The following SHC4 variants were observed in gnomAD, a reference collection of about 807,000 sequenced individuals.
SHC4 encodes SHC adaptor protein 4, also known as SHC-transforming protein 4.
In SHC4, 41 loss-of-function variants were observed where a neutral mutation model predicts 69.4. That is an observed-to-expected ratio of 0.59 (90% CI 0.46 to 0.77). The LOEUF is 0.77. Ranked by LOEUF, SHC4 falls within the 30% of genes least tolerant of loss-of-function variation. The probability of loss-of-function intolerance (pLI) is 0.00; values close to 1 mark genes in which losing one functional copy is unlikely to be tolerated. For synonymous variants in SHC4, 318 were observed against 299.3 expected, an observed-to-expected ratio of 1.06 and a Z score of -0.64; for missense variants, 777 against 783.8, an observed-to-expected ratio of 0.99 and a Z score of 0.10.
At chr15:48,886,031 A>G (rs1484403500) in intron 3 of SHC4, among the ~76,000 whole-genome samples, 1 of 152,168 alleles carries the variant, frequency 6.6e-6, no homozygotes, top group Non-Finnish European at 1.5e-5. Context: ...GGCCGAGGTG[A>G]GCAGATCATG....
At chr15:48,934,027 G>C (rs117349030) in intron 1 of SHC4, among the ~76,000 whole-genome samples, 1 of 152,012 alleles carries the variant, frequency 6.6e-6, no homozygotes, top group Admixed American at 6.6e-5. Flanking sequence ...AATAGGCAAT[G>C]GTTTCTTAGA....
chr15:48,876,611 T>C, intron 4 of SHC4: 1 of 697,226 alleles, frequency 1.4e-6, no homozygotes, highest in Non-Finnish European at 2.6e-6. Flanking sequence ...CAGTCCGAGT[T>C]CTGAAACTGA....
At chr15:48,857,611 T>C (rs1405743458) in intron 7 of SHC4, 81 bp downstream of exon 7, 9 of 1,254,164 alleles carry the variant, frequency 7.2e-6, no homozygotes, top group Non-Finnish European at 8.3e-6. Context: ...TAATGTTATA[T>C]ATACACACAC....
At chr15:48,882,316 G>C (rs1899961026) in intron 4 of SHC4, among the ~76,000 whole-genome samples, 1 of 152,150 alleles carries the variant, frequency 6.6e-6, no homozygotes, top group African/African-American at 2.4e-5. Context: ...CCTCAGGTCT[G>C]AGATAAATGA....
chr15:48,865,104 T>C (rs1899533549), intron 6 of SHC4, among the ~76,000 whole-genome samples: 1 of 152,210 alleles, frequency 6.6e-6, no homozygotes, highest in African/African-American at 2.4e-5. Flanking sequence ...CATCCCTCTT[T>C]CTCTATGCAC....
In SHC4 at chr15:48,920,570, C is replaced by T. The variant is rs191961403; in HGVS notation, c.656+4309G>A. On this transcript the variant is annotated intron_variant, in intron 2 of 11. Coordinates refer to ENST00000332408, the MANE Select transcript of SHC4 (RefSeq NM_203349.4). ...GATTACAGGCATGAGCCACCGCGCC[C>T]GGCCAGAGATTTTTTTAAGTAGATA... Among the ~76,000 whole-genome samples the T allele has an allele frequency of 4.0e-4, 61 of 151,996 alleles. No individual in the cohort carries two copies. The East Asian group carries it at 5.0e-3, about 13-fold the overall frequency.
At chr15:48,917,962 TA>T (rs1900661173) in intron 2 of SHC4, among the ~76,000 whole-genome samples, 1 of 152,236 alleles carries the variant, frequency 6.6e-6, no homozygotes, top group African/African-American at 2.4e-5. Context: ...GTCTCCCTGA[TA>T]TTTGGAATCT....
chr15:48,961,879 G>A (rs188951594), intron 1 of SHC4, among the ~76,000 whole-genome samples: 4 of 152,274 alleles, frequency 2.6e-5, no homozygotes, highest in East Asian at 1.9e-4. Context: ...AATGTGCACC[G>A]GAGAGCTAAG....
At chr15:48,895,576 C>G (rs914248508) in intron 2 of SHC4, among the ~76,000 whole-genome samples, 1 of 152,138 alleles carries the variant, frequency 6.6e-6, no homozygotes, top group Admixed American at 6.5e-5. Context: ...CCTCTGCTGT[C>G]TATGGCTGGC....
At chr15:48,837,208 C>T (rs146728606) in intron 10 of SHC4, among the ~76,000 whole-genome samples, 70 of 152,268 alleles carry the variant, frequency 4.6e-4, no homozygotes, top group African/African-American at 1.5e-3. Flanking sequence ...AAAGAGGCAA[C>T]GGATCGTGGG....
intron 2 of SHC4, among the ~76,000 whole-genome samples, chr15:48,907,225 T>TTTTTCCTTTTTTTTTC (rs1900420579): frequency 6.6e-6 from 1 of 151,622 alleles, no homozygotes; most frequent in Non-Finnish European, 1.5e-5. Flanking sequence ...TTTTTTTTTT[T>TTTTTCCTTTTTTTTTC]CTTTTCCTTT....
At chr15:48,859,722 G>T (rs1312179818) in intron 6 of SHC4, among the ~76,000 whole-genome samples, 1 of 152,142 alleles carries the variant, frequency 6.6e-6, no homozygotes, top group African/African-American at 2.4e-5. Flanking sequence ...GTGAGTCCCT[G>T]CAATGGGACA....
At chr15:48,957,530 G>A (rs568798687) in intron 1 of SHC4, among the ~76,000 whole-genome samples, 2 of 152,260 alleles carry the variant, frequency 1.3e-5, no homozygotes, top group African/African-American at 2.4e-5. Context: ...AGGAGAAGAC[G>A]GATGGTAAGA....
At position 48,963,202 on chromosome 15, in the gene SHC4, C is replaced by T. The variant is rs1901577298; in HGVS notation, c.-187G>A. 1.7e-6 allele frequency: 1 copy of T among 596,534 alleles called. No individual in the cohort carries two copies. Among genetic ancestry groups the T allele is most frequent in the African/African-American group, 1.9e-5 (1 of 53,970 alleles). The allele number at this position is 596,534 out of a possible 1,614,324, so 37.0% of individuals were successfully genotyped here. A position where few individuals can be genotyped will look rare whatever the true frequency, so the allele number is the denominator to read the frequency against. On this transcript the variant is annotated 5_prime_UTR_variant, in exon 1 of 12. Transcript: ENST00000332408. ...AGGGTGACAGCCCATGGGGGAAACG[C>T]CTCCCCTGCTCTGATTTCAGTCTCT...
intron 5 of SHC4, among the ~76,000 whole-genome samples, chr15:48,868,654 A>T (rs1219951123): frequency 6.6e-6 from 1 of 152,324 alleles, no homozygotes; most frequent in Admixed American, 6.5e-5. Context: ...GATTAGAAGT[A>T]TGACTCTCTA....
At chr15:48,961,180 T>C (rs1901539925) in intron 1 of SHC4, among the ~76,000 whole-genome samples, 1 of 152,198 alleles carries the variant, frequency 6.6e-6, no homozygotes, top group African/African-American at 2.4e-5. Context: ...CTCTAATTTT[T>C]CCCTGCTTCA....
chr15:48,904,709 C>T (rs893577221), intron 2 of SHC4, among the ~76,000 whole-genome samples: 2 of 152,064 alleles, frequency 1.3e-5, no homozygotes, highest in Middle Eastern at 3.2e-3. Flanking sequence ...AAGACCTCAT[C>T]TCCACACACA....
intron 4 of SHC4, among the ~76,000 whole-genome samples, chr15:48,882,497 G>A (rs1899963027): frequency 6.6e-6 from 1 of 152,148 alleles, no homozygotes; most frequent in Non-Finnish European, 1.5e-5. Context: ...ATTATGGATG[G>A]GTAGTAATAC....
chr15:48,830,167 A>G, intron 11 of SHC4, among the ~76,000 whole-genome samples: 1 of 152,132 alleles, frequency 6.6e-6, no homozygotes, highest in East Asian at 1.9e-4. Flanking sequence ...CATAGTGAAT[A>G]GGCTTTAATT....
Sources: allele counts gnomAD v4.1 joint callset (sites outside exome capture counted in the v4.1 genomes callset), GRCh38; gene constraint gnomAD v4.1.1; transcripts MANE v1.5; gene names NCBI Gene and HGNC (gene_info 2026-07-23, HGNC 2026-07-21).